The following ALPK1 variants were observed in gnomAD, a reference collection of about 807,000 sequenced individuals.
ALPK1 encodes the protein alpha-protein kinase 1.
A neutral mutation model predicts 120.6 loss-of-function variants in ALPK1; 110 were observed. The observed-to-expected ratio is 0.91, with a 90% CI of 0.78 to 1.07. ALPK1 has a LOEUF of 1.07. Ranked by LOEUF, ALPK1 falls within the 50% of genes least tolerant of loss-of-function variation. The pLI is 0.00. For synonymous variants in ALPK1, 582 were observed against 560.3 expected (o/e 1.04, Z -0.55); for missense variants, 1,498 against 1,483.9 (o/e 1.01, Z -0.16).
At chr4:112,298,555 C>G (rs1262758178) in intron 1 of ALPK1, among the ~76,000 whole-genome samples, 1 of 152,126 alleles carries the variant, frequency 6.6e-6, no homozygotes, top group Non-Finnish European at 1.5e-5. Flanking sequence ...TGAGATGAAT[C>G]TCTCAAATTT....
chr4:112,310,534 A>G (rs1728349622), intron 1 of ALPK1, among the ~76,000 whole-genome samples: 1 of 152,114 alleles, frequency 6.6e-6, no homozygotes, highest in South Asian at 2.1e-4. Flanking sequence ...GTTATTTAAA[A>G]ACAAGACTTT....
chr4:112,332,490 A>G (rs1729427373), intron 2 of ALPK1, among the ~76,000 whole-genome samples: 1 of 152,146 alleles, frequency 6.6e-6, no homozygotes, highest in South Asian at 2.1e-4. Context: ...TGTATTTGCT[A>G]ATTTATGCTC....
intron 2 of ALPK1, among the ~76,000 whole-genome samples, chr4:112,334,588 G>A (rs180703290): frequency 3.7e-4 from 56 of 152,202 alleles, no homozygotes; most frequent in African/African-American, 1.3e-3. Flanking sequence ...AAATTTTAAG[G>A]TGGTTTTAAA....
intron 2 of ALPK1, among the ~76,000 whole-genome samples, chr4:112,338,661 T>C (rs1026883731): frequency 2.6e-5 from 4 of 152,188 alleles, no homozygotes; most frequent in Non-Finnish European, 4.4e-5. Flanking sequence ...AATAAAGTCA[T>C]AAGGTCTTTC....
chr4:112,300,941 G>T (rs1017600229), intron 1 of ALPK1, among the ~76,000 whole-genome samples: 4 of 152,028 alleles, frequency 2.6e-5, no homozygotes, highest in African/African-American at 7.3e-5. Context: ...AGCACATCTG[G>T]TTACTGTGGT....
intron 2 of ALPK1, among the ~76,000 whole-genome samples, chr4:112,340,583 G>A (rs1284067618): frequency 6.6e-6 from 1 of 152,062 alleles, no homozygotes; most frequent in Non-Finnish European, 1.5e-5. Flanking sequence ...CACATAATAT[G>A]GATTTTCTTA....
intron 2 of ALPK1, among the ~76,000 whole-genome samples, chr4:112,336,699 C>A (rs934012557): frequency 3.3e-5 from 5 of 152,080 alleles, no homozygotes; most frequent in African/African-American, 1.2e-4. Context: ...CTATAGTTAT[C>A]TTTTTTGTTC....
In ALPK1 at chr4:112,359,691, C is replaced by G. The variant is rs555133301; in HGVS notation, c.-100-17987C>G. The G allele has an allele frequency of 1.0e-3, 244 of 238,294 alleles. 2 individuals carry two copies. Among genetic ancestry groups the G allele is most frequent in the Admixed American group, 1.2e-3 (24 of 19,228 alleles). The allele number at this position is 238,294 out of a possible 1,614,324, so 14.8% of individuals were successfully genotyped here. A position where few individuals can be genotyped will look rare whatever the true frequency, so the allele number is the denominator to read the frequency against. ...GGGGGAGGATGGTGCGGCTGCAGGG[C>G]GAAGCCAGTCCCCTGGACTTTCCCA... On this transcript the variant is annotated intron_variant, in intron 2 of 15. Transcript: ENST00000650871.
At chr4:112,364,742 A>C (rs1380202351) in intron 2 of ALPK1, among the ~76,000 whole-genome samples, 3 of 152,094 alleles carry the variant, frequency 2.0e-5, no homozygotes, top group African/African-American at 7.2e-5. Context: ...AACCAGGAAA[A>C]GATATCACAA....
At chr4:112,412,153 G>C (rs1733509328) in intron 5 of ALPK1, 128 bp downstream of exon 5, 2 of 1,136,370 alleles carry the variant, frequency 1.8e-6, no homozygotes, top group Non-Finnish European at 2.5e-6. Flanking sequence ...CCGAGCCCGG[G>C]GCTCCCCTCC....
intron 2 of ALPK1, among the ~76,000 whole-genome samples, chr4:112,336,484 C>T (rs1729626366): frequency 6.6e-6 from 1 of 151,936 alleles, no homozygotes; most frequent in African/African-American, 2.4e-5. Context: ...ATAGAGATGA[C>T]CAAAAATTAA....
intron 2 of ALPK1, among the ~76,000 whole-genome samples, chr4:112,340,405 T>G (rs1445702516): frequency 3.3e-5 from 5 of 152,354 alleles, no homozygotes; most frequent in African/African-American, 1.2e-4. Flanking sequence ...TTCTGTCCTA[T>G]GTATCTGCTT....
intron 2 of ALPK1, among the ~76,000 whole-genome samples, chr4:112,346,542 A>G (rs1200860760): frequency 6.6e-6 from 1 of 152,226 alleles, no homozygotes; most frequent in Non-Finnish European, 1.5e-5. Context: ...ATTGGTGTCA[A>G]TGAAATTGTA....
chr4:112,368,127 AG>A (rs1321275934), intron 2 of ALPK1, among the ~76,000 whole-genome samples: 1 of 152,238 alleles, frequency 6.6e-6, no homozygotes, highest in Non-Finnish European at 1.5e-5. Flanking sequence ...CATGTTGGCC[AG>A]GCTGCTCTCG....
chr4:112,332,331 C>A (rs112906787), intron 2 of ALPK1, among the ~76,000 whole-genome samples: 5 of 152,182 alleles, frequency 3.3e-5, no homozygotes, highest in Non-Finnish European at 7.3e-5. Flanking sequence ...GAAGGTACAG[C>A]AAATTGACTT....
chr4:112,359,869 G>T, intron 2 of ALPK1: 1 of 301,584 alleles, frequency 3.3e-6, no homozygotes. Flanking sequence ...TCACCTGCCT[G>T]TCCAGCTCTG....
In ALPK1 at chr4:112,301,977, A is replaced by G. The variant is rs370785318; in HGVS notation, c.-153+4508A>G. 9.9e-5 allele frequency among the ~76,000 whole-genome samples: 15 copies of G among 152,224 alleles called. No homozygotes were observed. In the South Asian group the frequency reaches 1.7e-3, roughly 17 times the overall value. ...CCTTCACTCGATGACCTCTCTCTCCAAAACCCTTCTCCTCCCTCACCACTG... is the reference window on the plus strand; with the variant it reads ...CCTTCACTCGATGACCTCTCTCTCCGAAACCCTTCTCCTCCCTCACCACTG... On this transcript the variant is annotated intron_variant, in intron 1 of 15. Coordinates refer to ENST00000650871, the MANE Select transcript of ALPK1 (RefSeq NM_025144.4).
Position 112,419,462 on chromosome 4 carries a change from C to T in ALPK1, c.476-4482C>T, listed in dbSNP as rs566352830. On this transcript the variant is annotated intron_variant, in intron 5 of 15. Transcript: ENST00000650871. ...AATAGCACAGCAATGAGGTTTAAAA[C>T]AGAGAGGAAATTAGAAGGGAGGGAG... 1.5e-3 allele frequency among the ~76,000 whole-genome samples: 215 copies of T among 140,074 alleles called. 2 individuals carry two copies. Among genetic ancestry groups the T allele is most frequent in the African/African-American group, 5.7e-3 (213 of 37,208 alleles). The allele number at this position is 140,074 out of a possible 152,430, so 91.9% of individuals were successfully genotyped here.
intron 4 of ALPK1, among the ~76,000 whole-genome samples, chr4:112,403,066 A>T (rs763604032): frequency 1.8e-4 from 27 of 151,408 alleles, no homozygotes; most frequent in Non-Finnish European, 3.7e-4. Context: ...GGGGAGGGAG[A>T]GGGGCTCTCT....
Sources: allele counts gnomAD v4.1 joint callset (sites outside exome capture counted in the v4.1 genomes callset), GRCh38; gene constraint gnomAD v4.1.1; transcripts MANE v1.5; gene names NCBI Gene and HGNC (gene_info 2026-07-23, HGNC 2026-07-21).